Variants in NELL1 observed in about 807,000 individuals in gnomAD.
NELL1 encodes neural EGFL like 1, also known as protein kinase C-binding protein NELL1.
A neutral mutation model predicts 107.4 loss-of-function variants in NELL1; 76 were observed. That is an observed-to-expected ratio of 0.71 (90% CI 0.59 to 0.86). NELL1 has a LOEUF of 0.86. Among genes scored for constraint, NELL1 ranks in the 40% least tolerant of loss-of-function variants. The pLI is 0.00. For synonymous variants in NELL1, 353 were observed against 341.2 expected, an observed-to-expected ratio of 1.03 and a Z score of -0.38; for missense variants, 1,024 against 1,005.5, an observed-to-expected ratio of 1.02 and a Z score of -0.25.
chr11:21,067,398 A>G (rs373675317), intron 12 of NELL1, among the ~76,000 whole-genome samples: 3 of 152,132 alleles, frequency 2.0e-5, no homozygotes, highest in East Asian at 3.9e-4. Context: ...GTAGTGTTCA[A>G]AAATCTCACT....
At chr11:20,870,714 G>A (rs1026266575) in intron 4 of NELL1, among the ~76,000 whole-genome samples, 10 of 152,236 alleles carry the variant, frequency 6.6e-5, no homozygotes, top group African/African-American at 1.4e-4. Flanking sequence ...TAAACAGCTG[G>A]CAGTTACTAT....
At chr11:20,694,626 G>A (rs1854566167) in intron 2 of NELL1, among the ~76,000 whole-genome samples, 4 of 151,966 alleles carry the variant, frequency 2.6e-5, no homozygotes, top group African/African-American at 9.7e-5. Flanking sequence ...TGGTCTATGT[G>A]CTTGTTTTTG....
chr11:21,509,131 A>C (rs1855370506), intron 15 of NELL1, among the ~76,000 whole-genome samples: 1 of 152,212 alleles, frequency 6.6e-6, no homozygotes, highest in Admixed American at 6.5e-5. Flanking sequence ...AAGATGTTTT[A>C]CTAGTAATCA....
At chr11:21,271,597 G>A (rs1848740676) in intron 14 of NELL1, among the ~76,000 whole-genome samples, 1 of 152,140 alleles carries the variant, frequency 6.6e-6, no homozygotes, top group South Asian at 2.1e-4. Context: ...GAATACAGAA[G>A]CATTGGGAAT....
At chr11:21,127,738 T>G (rs1432441191) in intron 13 of NELL1, among the ~76,000 whole-genome samples, 1 of 152,214 alleles carries the variant, frequency 6.6e-6, no homozygotes, top group Non-Finnish European at 1.5e-5. Context: ...TGCCTGCATT[T>G]GTAGTCTACA....
chr11:21,387,439 C>T (rs949762637), intron 15 of NELL1, among the ~76,000 whole-genome samples: 4 of 151,612 alleles, frequency 2.6e-5, no homozygotes, highest in Admixed American at 2.6e-4. Context: ...TGGAACAGTC[C>T]CTGGAACTCA....
intron 15 of NELL1, among the ~76,000 whole-genome samples, chr11:21,432,440 C>T (rs1025544060): frequency 3.9e-5 from 6 of 152,240 alleles, no homozygotes; most frequent in Non-Finnish European, 7.4e-5. Context: ...CACCCTAAAC[C>T]TCACAAAATT....
rs547283157 is a variant in NELL1, at chr11:20,683,222, T to C, written c.184+5162T>C. 1.1e-3 allele frequency among the ~76,000 whole-genome samples: 163 copies of C among 152,222 alleles called. 1 individual carries two copies. The highest frequency in any genetic ancestry group is 9.4e-3 in the Admixed American group (143 of 15,258). On this transcript the variant is annotated intron_variant, in intron 2 of 19. Coordinates refer to ENST00000357134, the MANE Select transcript of NELL1 (RefSeq NM_006157.5). ...TTTAGTTTATAAACTCCTGACTACA[T>C]TGTTATTTTTATTTAATGAGTCAAT...
At chr11:21,507,527 A>G (rs1410255291) in intron 15 of NELL1, among the ~76,000 whole-genome samples, 1 of 152,206 alleles carries the variant, frequency 6.6e-6, no homozygotes, top group African/African-American at 2.4e-5. Context: ...ATTCAAATAG[A>G]TACTTCAGTA....
chr11:21,545,170 G>T (rs945922239), intron 16 of NELL1, among the ~76,000 whole-genome samples: 2 of 151,920 alleles, frequency 1.3e-5, no homozygotes, highest in African/African-American at 4.8e-5. Context: ...TTTTTACACA[G>T]ATATTTTGTC....
chr11:20,710,004 G>A (rs560205004), intron 2 of NELL1, among the ~76,000 whole-genome samples: 3 of 152,282 alleles, frequency 2.0e-5, no homozygotes, highest in Non-Finnish European at 4.4e-5. Flanking sequence ...AACAGCAACA[G>A]TTTGTCTTCC....
chr11:21,562,904 T>C (rs976028935), intron 17 of NELL1, among the ~76,000 whole-genome samples: 5 of 152,062 alleles, frequency 3.3e-5, no homozygotes, highest in African/African-American at 9.7e-5. Flanking sequence ...TGTTTCATGG[T>C]AATTGATAAA....
At chr11:21,287,592 A>G (rs749625144) in intron 14 of NELL1, among the ~76,000 whole-genome samples, 1 of 152,132 alleles carries the variant, frequency 6.6e-6, no homozygotes, top group Admixed American at 6.6e-5. Flanking sequence ...CTATAACAGA[A>G]TTTATTGTTA....
At chr11:20,812,020 G>A (rs1857511410) in intron 3 of NELL1, among the ~76,000 whole-genome samples, 1 of 152,132 alleles carries the variant, frequency 6.6e-6, no homozygotes, top group Non-Finnish European at 1.5e-5. Context: ...GTTCCAGATT[G>A]TAGAGAGAAA....
intron 3 of NELL1, among the ~76,000 whole-genome samples, chr11:20,790,687 G>A (rs952270195): frequency 6.6e-6 from 1 of 152,042 alleles, no homozygotes; most frequent in Non-Finnish European, 1.5e-5. Context: ...TAGATCTGCA[G>A]CCATGACTTG....
chr11:21,000,531 A>G (rs572937210), intron 12 of NELL1, among the ~76,000 whole-genome samples: 1 of 152,338 alleles, frequency 6.6e-6, no homozygotes, highest in South Asian at 2.1e-4. Flanking sequence ...AGGAAAACCT[A>G]GGAAAGACAA....
intron 12 of NELL1, among the ~76,000 whole-genome samples, chr11:20,977,743 C>T (rs1051985475): frequency 6.6e-6 from 1 of 152,212 alleles, no homozygotes; most frequent in African/African-American, 2.4e-5. Context: ...AATAACCAGC[C>T]TTGCCTGGCA....
In NELL1 at chr11:21,102,042, G is replaced by A. The variant is rs535533058; in HGVS notation, c.1301-11547G>A. Among the ~76,000 whole-genome samples the A allele has an allele frequency of 1.4e-4, 22 of 152,036 alleles. No homozygotes were observed. The South Asian group carries it at 3.3e-3, about 23-fold the overall frequency. ...TAATTTTTGTGTTTTTAGTAGAAAC[G>A]GGGTTTCACCATGTTGTCCAGGCTA... is the stretch of plus-strand genomic sequence containing the variant. On this transcript the variant is annotated intron_variant, in intron 12 of 19. Transcript: ENST00000357134.
chr11:21,543,509 CAGAATGGAG>C (rs1856346764), intron 16 of NELL1, among the ~76,000 whole-genome samples: 1 of 151,904 alleles, frequency 6.6e-6, no homozygotes, highest in Non-Finnish European at 1.5e-5. Context: ...TATCAGGGTG[CAGAATGGAG>C]AGGTTAAGAA....
Sources: gnomAD v4.1 joint callset for allele counts (sites outside exome capture counted in the v4.1 genomes callset) on GRCh38, gnomAD v4.1.1 for gene constraint, MANE v1.5 for transcripts, NCBI Gene and HGNC (gene_info 2026-07-23, HGNC 2026-07-21) for gene names.